The following PLEKHH2 variants were observed in gnomAD, a reference collection of about 807,000 sequenced individuals.
PLEKHH2 encodes pleckstrin homology, MyTH4 and FERM domain containing H2, also known as pleckstrin homology domain-containing family H member 2.
A neutral mutation model predicts 187.9 loss-of-function variants in PLEKHH2; 129 were observed. The ratio of observed to expected loss-of-function variants is 0.69; its 90% CI spans 0.59 to 0.79. The LOEUF (loss-of-function observed/expected upper bound fraction) is 0.79, where lower values mean the gene tolerates loss of function less well. Among genes scored for constraint, PLEKHH2 ranks in the 30% least tolerant of loss-of-function variants. PLEKHH2 has a pLI of 0.00. For missense variants in PLEKHH2, 2,076 were observed against 1,751.2 expected (o/e 1.19, Z -3.31); for synonymous variants, 686 against 605.6 (o/e 1.13, Z -1.95).
In PLEKHH2 at chr2:43,699,716, A is replaced by G. The variant is rs1669259217; in HGVS notation, c.758A>G (p.His253Arg). The change falls in exon 8 of 30, where the codon CAT becomes CGT. Residue 253 changes from histidine (H) to arginine (R), a missense_variant. By Grantham distance (29) the His-to-Arg change is conservative. Transcript: ENST00000282406. The stretch of plus-strand genomic sequence containing the variant: ...AACAACAGAGGCCAGAGAACATTGC[A>G]TCAAACCCCTTGTGGCTCAGAACAG... ...LENNRGQRTL[H>R]QTPCGSEQNR... 8.7e-6 allele frequency: 14 copies of G among 1,614,260 alleles called. No individual in the cohort carries two copies. Among genetic ancestry groups the G allele is most frequent in the Non-Finnish European group, 1.2e-5 (14 of 1,180,038 alleles).
At chr2:43,692,443 A>G in intron 3 of PLEKHH2, 71 bp from the exon 4 acceptor site, 1 of 1,288,410 alleles carries the variant, frequency 7.8e-7, no homozygotes, top group Non-Finnish European at 1.1e-6. Context: ...ATATTAAGGT[A>G]AAATTCTAGG....
intron 8 of PLEKHH2, among the ~76,000 whole-genome samples, chr2:43,701,801 CTT>C (rs1465410572): frequency 1.5e-4 from 20 of 131,144 alleles, no homozygotes; most frequent in Non-Finnish European, 3.0e-4. Context: ...AAGTTTCACT[CTT>C]GTCTCCCGGG....
At chr2:43,705,222 G>A (rs904447563) in intron 9 of PLEKHH2, among the ~76,000 whole-genome samples, 4 of 140,324 alleles carry the variant, frequency 2.9e-5, no homozygotes, top group African/African-American at 5.3e-5. Context: ...TCAGCTATCT[G>A]CAGTTCTTTC....
intron 16 of PLEKHH2, among the ~76,000 whole-genome samples, chr2:43,725,793 A>G (rs1327642108): frequency 6.6e-6 from 1 of 152,170 alleles, no homozygotes; most frequent in East Asian, 1.9e-4. Flanking sequence ...TGGATAATCA[A>G]ATTGCCTCTA....
At chr2:43,705,748 A>G (rs996276771) in intron 9 of PLEKHH2, among the ~76,000 whole-genome samples, 1 of 152,062 alleles carries the variant, frequency 6.6e-6, no homozygotes, top group African/African-American at 2.4e-5. Context: ...CAGCCTCCCA[A>G]GTAACTGAGA....
rs565520611 is a variant in PLEKHH2, at chr2:43,756,418, G to C, written c.3796-701G>C. 3.9e-5 allele frequency among the ~76,000 whole-genome samples: 6 copies of C among 151,912 alleles called. No homozygotes were observed. The South Asian group carries it at 1.3e-3, about 32-fold the overall frequency. ...AGCGATTCTTCTGCCTCAGCCTCCC[G>C]AGTAGCTGGGATTACAGGTGCCTGC... On this transcript the variant is annotated intron_variant, in intron 25 of 29. Transcript: ENST00000282406.
chr2:43,680,648 CTGTT>C (rs1668124668), intron 3 of PLEKHH2: 3 of 318,286 alleles, frequency 9.4e-6, no homozygotes, highest in African/African-American at 4.5e-5. Context: ...GTTGCAGTGT[CTGTT>C]TGTTTAGTGG....
intron 20 of PLEKHH2, among the ~76,000 whole-genome samples, chr2:43,739,050 C>G (rs189176851): frequency 1.3e-5 from 2 of 152,234 alleles, no homozygotes; most frequent in East Asian, 3.9e-4. Context: ...TGCCAACACT[C>G]CCGGCTAATT....
chr2:43,744,867 C>CAA lies in PLEKHH2; in HGVS notation c.3555+897_3555+898dup, dbSNP rs774106764. 7.7e-3 allele frequency among the ~76,000 whole-genome samples: 638 copies of CAA among 82,620 alleles called. 15 individuals carry two copies. Among genetic ancestry groups the CAA allele is most frequent in the African/African-American group, 0.024 (571 of 23,410 alleles). The allele number at this position is 82,620 out of a possible 152,430, so 54.2% of individuals were successfully genotyped here. ...TGGGTGACAGAGCAAGACTGTCTCA[C>CAA]AAAAAAAAAAAAAAAAAAAAGAAAA... is the stretch of plus-strand genomic sequence containing the variant. On this transcript the variant is annotated intron_variant, in intron 23 of 29. Transcript: ENST00000282406.
At chr2:43,697,471 T>C in intron 7 of PLEKHH2, 115 bp downstream of exon 7, 1 of 864,000 alleles carries the variant, frequency 1.2e-6, no homozygotes, top group Non-Finnish European at 1.7e-6. Context: ...AATTTGATGT[T>C]TTATGAGAAT....
intron 15 of PLEKHH2, among the ~76,000 whole-genome samples, chr2:43,713,099 A>AACACACACACACACACACACACACAC: frequency 6.6e-6 from 1 of 150,780 alleles, no homozygotes; most frequent in African/African-American, 2.4e-5. Flanking sequence ...ATATCAAATC[A>AACACACACACACACACACACACACAC]ACACACACAC....
intron 2 of PLEKHH2, among the ~76,000 whole-genome samples, chr2:43,655,120 C>CG (rs1434933073): frequency 6.6e-6 from 1 of 152,036 alleles, no homozygotes; most frequent in African/African-American, 2.4e-5. Flanking sequence ...GCAAGAGGAT[C>CG]GCCTGAGCCC....
intron 18 of PLEKHH2, 82 bp downstream of exon 18, chr2:43,729,827 A>C (rs984794155): frequency 4.0e-5 from 35 of 878,944 alleles, no homozygotes; most frequent in Non-Finnish European, 4.8e-5. Flanking sequence ...GTTTTCACTT[A>C]ATGGGTTCCT....
Position 43,681,461 on chromosome 2 carries a change from C to T in PLEKHH2, c.186+2536C>T, listed in dbSNP as rs529917968. On this transcript the variant is annotated intron_variant, in intron 3 of 29. Transcript: ENST00000282406. The stretch of plus-strand genomic sequence containing the variant: ...TGTCAAAATAATCTTCTTCCTCTTC[C>T]TCTCCTTTTCCATCATCTTCTCTTT... 72 of 1,545,422 alleles carry T rather than the reference C, an allele frequency of 4.7e-5. No individual in the cohort carries two copies. The African/African-American group carries it at 9.0e-4, about 19-fold the overall frequency.
intron 26 of PLEKHH2, among the ~76,000 whole-genome samples, chr2:43,758,218 T>C (rs1454524331): frequency 6.6e-6 from 1 of 152,154 alleles, no homozygotes; most frequent in Admixed American, 6.5e-5. Flanking sequence ...GACCTAAAAT[T>C]CTACCATCAG....
rs1206158854 is a variant in PLEKHH2 at position 43,700,143 on chromosome 2, C to T, written c.1185C>T (p.Leu395=). ...ATAAAAAATTTCAATCCCAGAGACT[C>T]GATTATTCATCTTCATCGAGTGAAG... ...ELNKKFQSQR[L]DYSSSSSEAN... Residue 395 remains leucine (L), a synonymous_variant, in exon 8 of 30, where the codon CTC becomes CTT. Coordinates refer to ENST00000282406, the MANE Select transcript of PLEKHH2 (RefSeq NM_172069.4). 7 of 1,613,994 alleles carry T rather than the reference C, an allele frequency of 4.3e-6. No homozygotes were observed. The highest frequency in any genetic ancestry group is 1.1e-5 in the South Asian group (1 of 91,078).
chr2:43,666,798 G>T (rs1423195338), intron 2 of PLEKHH2, among the ~76,000 whole-genome samples: 2 of 152,028 alleles, frequency 1.3e-5, no homozygotes, highest in African/African-American at 2.4e-5. Context: ...TTTTAAAAAT[G>T]GGGTTATTTG....
Position 43,726,170 on chromosome 2 carries a change from A to G in PLEKHH2, c.2542-102A>G. ...AATAAAAAATAAAGTAAAATTTTTA[A>G]AGGTATGCTTTATAAATTTAAAAAT... On this transcript the variant is annotated intron_variant, in intron 16 of 29. Coordinates refer to ENST00000282406, the MANE Select transcript of PLEKHH2 (RefSeq NM_172069.4). 2.9e-5 allele frequency: 23 copies of G among 801,286 alleles called. No individual in the cohort carries two copies. The South Asian group carries it at 5.2e-4, about 18-fold the overall frequency. 49.6% of individuals were successfully genotyped at this position (801,286 alleles called of 1,614,324 possible).
At chr2:43,747,205 C>A (rs1671820669) in intron 24 of PLEKHH2, among the ~76,000 whole-genome samples, 2 of 151,524 alleles carry the variant, frequency 1.3e-5, no homozygotes, top group South Asian at 4.2e-4. Context: ...GTAATAAATA[C>A]AGACAGACCC....
Sources: allele counts gnomAD v4.1 joint callset (sites outside exome capture counted in the v4.1 genomes callset), GRCh38; gene constraint gnomAD v4.1.1; transcripts MANE v1.5; gene names NCBI Gene and HGNC (gene_info 2026-07-23, HGNC 2026-07-21).